The following BTG4 variants were observed in gnomAD, a reference collection of about 807,000 sequenced individuals.
BTG4 encodes protein BTG4.
In BTG4, 10 loss-of-function variants were observed where a neutral mutation model predicts 19.3. The observed-to-expected ratio is 0.52, with a 90% CI of 0.32 to 0.88. The LOEUF (loss-of-function observed/expected upper bound fraction) is 0.88. Among genes scored for constraint, BTG4 ranks in the 40% least tolerant of loss-of-function variants. The pLI is 0.04. For missense variants in BTG4, 238 were observed against 281.9 expected (o/e 0.84, Z 1.11); for synonymous variants, 91 against 95.7 (o/e 0.95, Z 0.29).
At chr11:111,386,366 C>T in the BTG4 span, 1 of 152,134 alleles carries the variant, frequency 6.6e-6, no homozygotes, top group African/African-American at 2.4e-5. Context: ...AAAGAAAATT[C>T]ATACGACCTT....
chr11:111,434,210 C>A, the BTG4 span, among the ~76,000 whole-genome samples: 2 of 152,222 alleles, frequency 1.3e-5, no homozygotes. Context: ...CCATTGAATA[C>A]TATGCAGCCA....
the BTG4 span, among the ~76,000 whole-genome samples, chr11:111,413,026 A>G: frequency 1.3e-5 from 2 of 152,224 alleles, no homozygotes; most frequent in Non-Finnish European, 2.9e-5. Context: ...CCACTCTAGA[A>G]GGCAGAGTCG....
At chr11:111,411,599 G>A in the BTG4 span, among the ~76,000 whole-genome samples, 97 of 152,282 alleles carry the variant, frequency 6.4e-4, no homozygotes, top group South Asian at 0.019. Context: ...AAATTGTAAT[G>A]TGCACACAAA....
the BTG4 span, among the ~76,000 whole-genome samples, chr11:111,404,081 T>C: frequency 1.3e-5 from 2 of 152,136 alleles, no homozygotes; most frequent in Non-Finnish European, 2.9e-5. Context: ...AGCAGGTCTT[T>C]CCTATGCTGT....
the BTG4 span, among the ~76,000 whole-genome samples, chr11:111,432,866 C>CT: frequency 6.7e-6 from 1 of 148,292 alleles, no homozygotes; most frequent in South Asian, 2.1e-4. Context: ...TTTTTTTTTT[C>CT]TTTTTTGTAG....
intron 4 of BTG4, chr11:111,496,533 C>G (rs1436692245): frequency 6.6e-6 from 1 of 152,048 alleles, no homozygotes; most frequent in African/African-American, 2.4e-5. Flanking sequence ...ATTTTAATTG[C>G]TTTAACATTT....
upstream of BTG4, among the ~76,000 whole-genome samples, chr11:111,512,585 GC>G (rs1228227318): frequency 6.6e-6 from 1 of 152,162 alleles, no homozygotes; most frequent in African/African-American, 2.4e-5. Context: ...GGGAGCCCGG[GC>G]CGAGGAGGCG....
At chr11:111,447,561 C>T in the BTG4 span, among the ~76,000 whole-genome samples, 1 of 152,120 alleles carries the variant, frequency 6.6e-6, no homozygotes, top group East Asian at 1.9e-4. Context: ...TCACTAAGCC[C>T]AGTTATGCAC....
chr11:111,436,257 T>C, the BTG4 span, among the ~76,000 whole-genome samples: 1 of 152,170 alleles, frequency 6.6e-6, no homozygotes, highest in South Asian at 2.1e-4. Flanking sequence ...TGGTGATCAA[T>C]AGAACTGGTG....
chr11:111,470,289 G>T lies in BTG4; in HGVS notation c.663-2608C>A, dbSNP rs541988246. ...TGTAGAGACAGGGTTTTGTCAGGTTGCCCAGGCTGGTCTTGAATGCTTGGG... is the reference window on the plus strand; with the variant it reads ...TGTAGAGACAGGGTTTTGTCAGGTTTCCCAGGCTGGTCTTGAATGCTTGGG... On this transcript the variant is annotated intron_variant, in intron 5 of 5. Coordinates refer to the BTG4 transcript ENST00000356018. Among the ~76,000 whole-genome samples, 524 of 152,192 alleles carry T rather than the reference G, an allele frequency of 3.4e-3. 4 individuals carry two copies. Among genetic ancestry groups the T allele is most frequent in the African/African-American group, 8.2e-3 (342 of 41,516 alleles).
chr11:111,475,544 C>T (rs1246417302), intron 5 of BTG4: 1 of 151,888 alleles, frequency 6.6e-6, no homozygotes, highest in Non-Finnish European at 1.5e-5. Flanking sequence ...TTTGGAGGCC[C>T]TGGTTGAAAC....
chr11:111,441,283 G>T, the BTG4 span, among the ~76,000 whole-genome samples: 2 of 152,106 alleles, frequency 1.3e-5, no homozygotes, highest in African/African-American at 4.8e-5. Context: ...GGGCTCTGGG[G>T]AGTAGGGGAG....
chr11:111,436,961 G>A, the BTG4 span, among the ~76,000 whole-genome samples: 7 of 152,196 alleles, frequency 4.6e-5, no homozygotes, highest in African/African-American at 1.7e-4. Flanking sequence ...GGGGCTGTGT[G>A]GCAAGCAGAC....
chr11:111,452,693 G>A, the BTG4 span: 1 of 152,230 alleles, frequency 6.6e-6, no homozygotes, highest in Non-Finnish European at 1.5e-5. Flanking sequence ...AAGATGCAAA[G>A]GTGACAAAGG....
chr11:111,405,693 C>T, the BTG4 span, among the ~76,000 whole-genome samples: 1 of 152,186 alleles, frequency 6.6e-6, no homozygotes, highest in Non-Finnish European at 1.5e-5. Flanking sequence ...TACATGCTCA[C>T]ATTCTTCATA....
At chr11:111,511,541 T>C (rs1479277295) in intron 1 of BTG4, among the ~76,000 whole-genome samples, 2 of 152,232 alleles carry the variant, frequency 1.3e-5, no homozygotes, top group Non-Finnish European at 2.9e-5. Flanking sequence ...ATGGGTGCTC[T>C]ATACTGGATG....
In BTG4 at chr11:111,489,302, G is replaced by A. The variant is rs940684280; in HGVS notation, c.662+5861C>T. ...TAATAACTGTTGCTGGTGAGGATGT[G>A]TAGAAAGGGGAACCCTCATACACCA... On this transcript the variant is annotated intron_variant, in intron 5 of 5. Coordinates refer to the BTG4 transcript ENST00000356018. Among the ~76,000 whole-genome samples the A allele has an allele frequency of 2.6e-5, 4 of 152,200 alleles. No individual in the cohort carries two copies. In the East Asian group the frequency reaches 7.7e-4, roughly 29 times the overall value.
At chr11:111,468,368 A>G (rs954392483) in intron 5 of BTG4, among the ~76,000 whole-genome samples, 2 of 152,240 alleles carry the variant, frequency 1.3e-5, no homozygotes, top group African/African-American at 4.8e-5. Flanking sequence ...TACGACTCAC[A>G]ACACTATGGG....
At chr11:111,451,688 C>T in the BTG4 span, among the ~76,000 whole-genome samples, 35,086 of 151,962 alleles carry the variant, frequency 0.23, 4,247 homozygotes, top group African/African-American at 0.29. Context: ...CGCTTGAACC[C>T]GGGAGGTGGA....
Sources: allele counts gnomAD v4.1 joint callset (sites outside exome capture counted in the v4.1 genomes callset), GRCh38; gene constraint gnomAD v4.1.1; transcripts MANE v1.5; gene names NCBI Gene and HGNC (gene_info 2026-07-23, HGNC 2026-07-21).